The following CHD5 variants were observed in gnomAD, a reference collection of about 807,000 sequenced individuals.
CHD5 encodes the protein chromodomain helicase DNA binding protein 5, also known as ATP-dependent chromatin remodeler CHD5.
A neutral mutation model predicts 230.3 loss-of-function variants in CHD5; 69 were observed. That is an observed-to-expected ratio of 0.30 (90% confidence interval 0.25 to 0.37). The LOEUF (loss-of-function observed/expected upper bound fraction) is 0.37, where lower values mean the gene tolerates loss of function less well. Ranked by LOEUF, CHD5 falls within the 10% of genes least tolerant of loss-of-function variation. The pLI, the probability that CHD5 is intolerant of heterozygous loss-of-function variation, is 1.00. For synonymous variants in CHD5, 1,064 were observed against 1,065.9 expected, an observed-to-expected ratio of 1.00 and a Z score of 0.03; for missense variants, 1,827 against 2,622.8, an observed-to-expected ratio of 0.70 and a Z score of 6.63.
chr1:6,147,846 G>A (rs1666935332), intron 9 of CHD5, among the ~76,000 whole-genome samples: 1 of 152,012 alleles, frequency 6.6e-6, no homozygotes, highest in South Asian at 2.1e-4. Flanking sequence ...GAGAGGCAGA[G>A]GAGGAGGAGG....
In CHD5 at chr1:6,131,468, G is replaced by A. The variant is rs928988070; in HGVS notation, c.3262+163C>T. Among the ~76,000 whole-genome samples the A allele has an allele frequency of 1.3e-4, 20 of 152,202 alleles. No homozygotes were observed. The highest frequency in any genetic ancestry group is 4.1e-4 in the African/African-American group (17 of 41,448). On this transcript the variant is annotated intron_variant, in intron 21 of 41. Coordinates refer to ENST00000262450, the MANE Select transcript of CHD5 (RefSeq NM_015557.3). This position sits in a 1 kb window ranked among gnomAD's most constrained non-coding sequence, Gnocchi z 5.0. The stretch of plus-strand genomic sequence containing the variant: ...GCCCCTCAGAACTCCGATTCCATGG[G>A]AGGAATCCTTTTAACATTGGAAACT...
At chr1:6,163,369 C>T (rs1667207016) in intron 2 of CHD5, among the ~76,000 whole-genome samples, 1 of 152,226 alleles carries the variant, frequency 6.6e-6, no homozygotes, top group African/African-American at 2.4e-5. Context: ...CTCTGCCCTG[C>T]CTCCACCACA....
intron 2 of CHD5, among the ~76,000 whole-genome samples, chr1:6,166,150 C>T (rs1054217731): frequency 2.0e-5 from 3 of 151,310 alleles, no homozygotes; most frequent in African/African-American, 7.3e-5. Context: ...AGAAGGCAAG[C>T]AGAATTGGGC....
intron 15 of CHD5, among the ~76,000 whole-genome samples, chr1:6,141,745 C>T (rs1049988297): frequency 6.6e-6 from 1 of 152,192 alleles, no homozygotes; most frequent in South Asian, 2.1e-4. Flanking sequence ...CATGTGCTAA[C>T]AGAGGCAGAA....
intron 7 of CHD5, 50 bp downstream of exon 7, chr1:6,150,982 C>A: frequency 6.8e-7 from 1 of 1,465,104 alleles, no homozygotes; most frequent in South Asian, 1.5e-5. Flanking sequence ...TACTCGTGCC[C>A]CACTACATCC....
intron 36 of CHD5, among the ~76,000 whole-genome samples, chr1:6,111,533 CAA>C (rs1314515019): frequency 2.7e-4 from 23 of 86,174 alleles, no homozygotes; most frequent in Admixed American, 3.8e-4. Context: ...AACTCTATCT[CAA>C]AAAAAAAAAA....
At position 6,128,618 on chromosome 1, in the gene CHD5, C is replaced by G. The variant is rs193121978; in HGVS notation, c.3620-9G>C. ...GCCCTGAGACATCATGCCTGTCAGACAGAGAAGGAAAGCACTGGTGCAGGA... is the reference window on the plus strand; with the variant it reads ...GCCCTGAGACATCATGCCTGTCAGAGAGAGAAGGAAAGCACTGGTGCAGGA... On this transcript the variant is annotated splice_polypyrimidine_tract_variant and intron_variant, in intron 23 of 41. Coordinates refer to ENST00000262450, the MANE Select transcript of CHD5 (RefSeq NM_015557.3). The surrounding 1 kb of genome is among the most constrained non-coding windows in gnomAD (Gnocchi z 7.8). 6.2e-6 allele frequency: 10 copies of G among 1,606,008 alleles called. 1 individual carries two copies. The East Asian group carries it at 2.2e-4, about 36-fold the overall frequency.
intron 1 of CHD5, 68 bp from the exon 2 acceptor site, chr1:6,168,345 G>A (rs1667286508): frequency 1.0e-5 from 15 of 1,507,524 alleles, no homozygotes; most frequent in Non-Finnish European, 1.2e-5. Flanking sequence ...GAGACACAGA[G>A]CCAGCCCTGG....
chr1:6,108,272 GGATGGAGTGAT>G (rs923758629), intron 38 of CHD5, among the ~76,000 whole-genome samples: 1 of 147,532 alleles, frequency 6.8e-6, no homozygotes, highest in Admixed American at 6.7e-5. Flanking sequence ...GATGATAGAG[GGATGGAGTGAT>G]GATGGAGAGA....
In CHD5 at chr1:6,121,255, G is replaced by A; in HGVS notation, c.4780-18C>T. The A allele has an allele frequency of 1.9e-6, 3 of 1,603,330 alleles. No individual in the cohort carries two copies. The highest frequency in any genetic ancestry group is 2.6e-6 in the Non-Finnish European group (3 of 1,176,318). On this transcript the variant is annotated intron_variant, in intron 32 of 41. Transcript: ENST00000262450. This position sits in a 1 kb window ranked among gnomAD's most constrained non-coding sequence, Gnocchi z 4.5. ...GGAAGGGCCTGCAGAGGAAAAGCCA[G>A]GAGAACTACAAGGCCTGGGGCCTCA...
Position 6,109,916 on chromosome 1 carries a change from G to A in CHD5, c.5457C>T (p.Asn1819=). 6.2e-7 allele frequency: 1 copy of A among 1,609,822 alleles called. No individual in the cohort carries two copies. Among genetic ancestry groups the A allele is most frequent in the African/African-American group, 1.3e-5 (1 of 74,954 alleles). Residue 1819 remains asparagine, a synonymous_variant, in exon 38 of 42, where the codon AAC becomes AAT. Transcript: ENST00000262450. ...GGGCGTTGAGGGCCATGGCGGGGTG[G>A]TTGGGGTCCTGCGTCATGTTCAGGT... The part of the protein sequence containing the change: ...AAYLNMTQDP[N]HPAMALNARL...
chr1:6,159,562 T>C, intron 2 of CHD5, 47 bp from the exon 3 acceptor site: 3 of 1,544,166 alleles, frequency 1.9e-6, no homozygotes, highest in Non-Finnish European at 8.8e-7. Context: ...CCCAGGAACA[T>C]CCAGAGTCCT....
chr1:6,127,939 G>A (rs1666588157), intron 25 of CHD5, 107 bp downstream of exon 25: 6 of 1,014,034 alleles, frequency 5.9e-6, no homozygotes, highest in Non-Finnish European at 7.2e-6. Flanking sequence ...TTGGAGGGCT[G>A]GCTGCGGCGG....
chr1:6,172,098 G>A (rs571774249), intron 1 of CHD5, among the ~76,000 whole-genome samples: 9 of 152,316 alleles, frequency 5.9e-5, no homozygotes, highest in African/African-American at 1.2e-4. Context: ...CCCAGTATGC[G>A]CCAGCTCAGC....
intron 33 of CHD5, among the ~76,000 whole-genome samples, chr1:6,114,090 A>T (rs990107300): frequency 6.6e-6 from 1 of 152,172 alleles, no homozygotes; most frequent in Non-Finnish European, 1.5e-5. Context: ...TCTACCAAAA[A>T]TATTTTTTAA....
chr1:6,101,885 A>G lies in CHD5; in HGVS notation c.*3589T>C, dbSNP rs1666062752. On this transcript the variant is annotated 3_prime_UTR_variant, in exon 42 of 42. Coordinates refer to ENST00000262450, the MANE Select transcript of CHD5 (RefSeq NM_015557.3). Reference sequence around the variant, plus strand: ...ATTGTGTTGGCTACAGCCTCTGTCCAGCCTCCCGTGGGCGAAGACCAGACA... The same window carrying G: ...ATTGTGTTGGCTACAGCCTCTGTCCGGCCTCCCGTGGGCGAAGACCAGACA... 2 of 308,528 alleles carry G rather than the reference A, an allele frequency of 6.5e-6. No homozygotes were observed. Among genetic ancestry groups the G allele is most frequent in the South Asian group, 2.2e-5 (1 of 44,516 alleles). 19.1% of individuals were successfully genotyped at this position (308,528 alleles called of 1,614,324 possible).
At chr1:6,111,985 C>A in intron 35 of CHD5, 102 bp from the exon 36 acceptor site, 1 of 1,374,736 alleles carries the variant, frequency 7.3e-7, no homozygotes, top group South Asian at 1.3e-5. Flanking sequence ...TGCCTCCACC[C>A]CCAGAGGTCC....
At chr1:6,144,843 C>A (rs1459211668) in intron 11 of CHD5, among the ~76,000 whole-genome samples, 2 of 152,240 alleles carry the variant, frequency 1.3e-5, no homozygotes, top group African/African-American at 4.8e-5. Flanking sequence ...CTGCTGCGGG[C>A]CTGGGAACAT....
chr1:6,142,110 A>G lies in CHD5; in HGVS notation c.2436+18T>C, dbSNP rs1557550432. The G allele has an allele frequency of 6.2e-7, 1 of 1,606,308 alleles. No homozygotes were observed. The highest frequency in any genetic ancestry group is 8.5e-7 in the Non-Finnish European group (1 of 1,173,308). ...CGGGGGCCTTCCTACCGTCCTTCCAAGGATAGCGAGCCCTCACCTTCATAC... is the reference window on the plus strand; with the variant it reads ...CGGGGGCCTTCCTACCGTCCTTCCAGGGATAGCGAGCCCTCACCTTCATAC... On this transcript the variant is annotated intron_variant, in intron 15 of 41. Transcript: ENST00000262450. This position sits in a 1 kb window ranked among gnomAD's most constrained non-coding sequence, Gnocchi z 5.2.
Sources: gnomAD v4.1 joint callset for allele counts (sites outside exome capture counted in the v4.1 genomes callset) on GRCh38, gnomAD v4.1.1 for gene constraint, Gnocchi (gnomAD v3.1) non-coding constraint, MANE v1.5 for transcripts, NCBI Gene and HGNC (gene_info 2026-07-23, HGNC 2026-07-21) for gene names.